CELF6: variants seen among roughly 807,000 people sequenced by gnomAD.
CELF6 encodes Bruno -like 6, RNA binding protein.
A neutral mutation model predicts 53.1 loss-of-function variants in CELF6; 32 were observed. The observed-to-expected ratio is 0.60, with a 90% confidence interval of 0.46 to 0.81. The LOEUF is 0.81. CELF6 is among the 30% of genes least tolerant of loss of function. CELF6 has a pLI of 0.00. For missense variants in CELF6, 539 were observed against 669.5 expected (o/e 0.81, Z 2.15); for synonymous variants, 291 against 288.8 (o/e 1.01, Z -0.08).
chr15:72,290,391 G>A, intron 3 of CELF6, 136 bp from the exon 4 acceptor site: 1 of 1,093,304 alleles, frequency 9.1e-7, no homozygotes. Context: ...TGGGCTTCCA[G>A]GGTTGGTTTT....
Position 72,289,974 on chromosome 15 carries a change from C to T in CELF6, c.568G>A (p.Ala190Thr), listed in dbSNP as rs2141185200. 1 of 1,586,138 alleles carries T rather than the reference C, an allele frequency of 6.3e-7. No homozygotes were observed. ...CGGCTGCCGTGCAGACCCCGGATGG[C>T]CGCCTGAGCTTCCCCTTGACTCCCG... ...KFGSQGEAQA[A>T]IRGLHGSRTM... The change falls in exon 5 of 13, where the codon GCC (alanine) becomes ACC (threonine). Residue 190 changes from alanine to threonine, a missense_variant. Physicochemically the swap from Ala to Thr is moderately conservative, Grantham distance 58 (BLOSUM62 0). Around this residue, in one of 3 missense-constraint regions of CELF6, gnomAD observed 358 missense variants for 412.8 expected, o/e 0.87. Transcript: ENST00000287202. This position sits in a 1 kb window ranked among gnomAD's most constrained non-coding sequence, Gnocchi z 7.6.
At chr15:72,309,041 T>C (rs917074894) in intron 2 of CELF6, among the ~76,000 whole-genome samples, 7 of 152,166 alleles carry the variant, frequency 4.6e-5, no homozygotes. Flanking sequence ...GCCTCTCAAA[T>C]AGCTAGGAAT....
At chr15:72,310,460 C>G (rs569449649) in intron 2 of CELF6, among the ~76,000 whole-genome samples, 56 of 152,128 alleles carry the variant, frequency 3.7e-4, no homozygotes, top group Middle Eastern at 3.4e-3. Context: ...CATCCACACT[C>G]AAGCAACACT....
intron 3 of CELF6, among the ~76,000 whole-genome samples, chr15:72,301,315 T>C (rs1310360769): frequency 3.3e-5 from 5 of 152,066 alleles, no homozygotes; most frequent in Non-Finnish European, 7.4e-5. Flanking sequence ...TATTAAAACA[T>C]GGGAGTCTCA....
In CELF6 at chr15:72,289,849, TC is replaced by T; in HGVS notation, c.604-80del. On this transcript the variant is annotated intron_variant, in intron 5 of 12. Transcript: ENST00000287202. The surrounding 1 kb of genome is among the most constrained non-coding windows in gnomAD (Gnocchi z 7.6). ...GGGGCCGAGCGCCTTTCCCATCAGG[TC>T]CTTTCGCGGGGCACCGAGCACACTC... 1 of 1,495,626 alleles carries T rather than the reference TC, an allele frequency of 6.7e-7. No homozygotes were observed. Among genetic ancestry groups the T allele is most frequent in the Non-Finnish European group, 8.9e-7 (1 of 1,125,510 alleles). The allele number at this position is 1,495,626 out of a possible 1,614,324, so 92.6% of individuals were successfully genotyped here.
In CELF6 at chr15:72,288,605, C is replaced by G. The variant is rs1383240203; in HGVS notation, c.1107G>C (p.Ser369=). The change falls in exon 10 of 13, where the codon TCG becomes TCC. Residue 369 remains serine (S), a synonymous_variant. Coordinates refer to ENST00000287202, the MANE Select transcript of CELF6 (RefSeq NM_052840.5). This position sits in a 1 kb window ranked among gnomAD's most constrained non-coding sequence, Gnocchi z 4.6. ...AAGCTGTGCTCACTGGGGCATAGGCCGACGGATAGGCTGCTGGAGACAGAG... is the reference window on the plus strand; with the variant it reads ...AAGCTGTGCTCACTGGGGCATAGGCGGACGGATAGGCTGCTGGAGACAGAG... The part of the protein sequence containing the change: ...GMHHYAAAYP[S]AYAPVSTAFP... 3 of 1,563,840 alleles carry G rather than the reference C, an allele frequency of 1.9e-6. No homozygotes were observed. Among genetic ancestry groups the G allele is most frequent in the Non-Finnish European group, 2.6e-6 (3 of 1,154,752 alleles).
chr15:72,286,566 C>T (rs958049737), intron 12 of CELF6, among the ~76,000 whole-genome samples: 1 of 152,190 alleles, frequency 6.6e-6, no homozygotes, highest in Non-Finnish European at 1.5e-5. Flanking sequence ...CACATCCCCT[C>T]TAGAAGGTTC....
In CELF6 at chr15:72,319,644, C is replaced by T; in HGVS notation, c.231G>A (p.Val77=). Residue 77 remains valine (V), a synonymous_variant, in exon 1 of 13, where the codon GTG becomes GTA. Coordinates refer to ENST00000287202, the MANE Select transcript of CELF6 (RefSeq NM_052840.5). The surrounding 1 kb of genome is among the most constrained non-coding windows in gnomAD (Gnocchi z 5.0). ...EEFGRIYELT[V]LKDRLTGLHK... is the part of the protein sequence containing the mutation. Reference sequence around the variant, plus strand: ...GGAGGCCGGTGAGCCGGTCCTTCAGCACCGTCAGCTCGTAGATGCGGCCGA... The same window carrying T: ...GGAGGCCGGTGAGCCGGTCCTTCAGTACCGTCAGCTCGTAGATGCGGCCGA... The T allele has an allele frequency of 6.4e-7, 1 of 1,568,744 alleles. No homozygotes were observed. Among genetic ancestry groups the T allele is most frequent in the South Asian group, 1.2e-5 (1 of 85,678 alleles).
In CELF6 at chr15:72,292,389, G is replaced by A. The variant is rs2088017212; in HGVS notation, c.395-2134C>T. 7.4e-6 allele frequency: 5 copies of A among 672,482 alleles called. No individual in the cohort carries two copies. In the South Asian group the frequency reaches 1.0e-4, roughly 14 times the overall value. 41.7% of individuals were successfully genotyped at this position (672,482 alleles called of 1,614,324 possible). A position where few individuals can be genotyped will look rare whatever the true frequency, so the allele number is the denominator to read the frequency against. ...CCGAAAGACCATGCCATTGTTCTAA[G>A]TTATTCTGGGCTGCAGAAGGCCTGG... On this transcript the variant is annotated intron_variant, in intron 3 of 12. Coordinates refer to ENST00000287202, the MANE Select transcript of CELF6 (RefSeq NM_052840.5).
In CELF6 at chr15:72,288,729, C is replaced by A; in HGVS notation, c.1094-111G>T. ...TCAGCCCAGTCCACCATAACCCTCA[C>A]CCCAAGAGAGGTCGTTCTGGGGGTA... is the stretch of plus-strand genomic sequence containing the variant. On this transcript the variant is annotated intron_variant, in intron 9 of 12. Coordinates refer to ENST00000287202, the MANE Select transcript of CELF6 (RefSeq NM_052840.5). This position sits in a 1 kb window ranked among gnomAD's most constrained non-coding sequence, Gnocchi z 4.6. 1 of 1,381,022 alleles carries A rather than the reference C, an allele frequency of 7.2e-7. No individual in the cohort carries two copies. The highest frequency in any genetic ancestry group is 1.8e-4 in the Middle Eastern group (1 of 5,596). The allele number at this position is 1,381,022 out of a possible 1,614,324, so 85.5% of individuals were successfully genotyped here. A position where few individuals can be genotyped will look rare whatever the true frequency, so the allele number is the denominator to read the frequency against.
intron 2 of CELF6, among the ~76,000 whole-genome samples, chr15:72,311,232 C>T (rs1372248717): frequency 6.6e-6 from 1 of 151,140 alleles, no homozygotes; most frequent in African/African-American, 2.4e-5. Flanking sequence ...AACTCCTGAC[C>T]TCAAGTGATC....
chr15:72,287,391 C>T lies in CELF6; in HGVS notation c.1320G>A (p.Gly440=). ...TAGTTGGATTGTCAAAACTAACAAA[C>T]CCTGGAGGGTGTGGGCAAAGAGATT... ...DRATNQSKCF[G]FVSFDNPTSA... The change falls in exon 12 of 13, where the codon GGG becomes GGA. Residue 440 remains glycine, a splice_region_variant and synonymous_variant. Transcript: ENST00000287202. 6.2e-7 allele frequency: 1 copy of T among 1,613,988 alleles called. No homozygotes were observed. Among genetic ancestry groups the T allele is most frequent in the Non-Finnish European group, 8.5e-7 (1 of 1,179,892 alleles).
At chr15:72,304,624 G>T in intron 3 of CELF6, 122 bp downstream of exon 3, 2 of 837,540 alleles carry the variant, frequency 2.4e-6, no homozygotes, top group Non-Finnish European at 4.0e-6. Context: ...GCAACTCTGA[G>T]CCCCACCTGT....
In CELF6 at chr15:72,319,751, C is replaced by A. The variant is rs771036730; in HGVS notation, c.124G>T (p.Asp42Tyr). ...LNPGPAVPMK[D>Y]HDAIKLFVGQ... ...ACGAAGAGCTTGATGGCGTCGTGGTCCTTCATGGGTACGGCGGGACCGGGG... is the reference window on the plus strand; with the variant it reads ...ACGAAGAGCTTGATGGCGTCGTGGTACTTCATGGGTACGGCGGGACCGGGG... Residue 42 changes from aspartate to tyrosine, a missense_variant, in exon 1 of 13, where the codon GAC (aspartate) becomes TAC (tyrosine). This residue lies in a region of CELF6 where 84 missense variants were observed against 87.9 expected (regional missense o/e 0.96). Transcript: ENST00000287202. The surrounding 1 kb of genome is among the most constrained non-coding windows in gnomAD (Gnocchi z 5.0). The A allele has an allele frequency of 6.2e-7, 1 of 1,600,432 alleles. No individual in the cohort carries two copies. The highest frequency in any genetic ancestry group is 1.1e-5 in the South Asian group (1 of 88,840).
chr15:72,314,204 G>A (rs2088333382), intron 2 of CELF6, among the ~76,000 whole-genome samples: 1 of 152,220 alleles, frequency 6.6e-6, no homozygotes, highest in Non-Finnish European at 1.5e-5. Flanking sequence ...TCTTGGCGAA[G>A]CTTGCTCCAT....
intron 3 of CELF6, among the ~76,000 whole-genome samples, chr15:72,299,383 G>A (rs1417509674): frequency 1.2e-4 from 17 of 140,180 alleles, no homozygotes; most frequent in African/African-American, 4.5e-4. Context: ...TTTTTGAAAT[G>A]GAATCTCGCT....
intron 3 of CELF6, among the ~76,000 whole-genome samples, chr15:72,301,978 G>A (rs1372935547): frequency 2.0e-5 from 3 of 152,012 alleles, no homozygotes; most frequent in Admixed American, 6.5e-5. Context: ...CTCGTGATCC[G>A]CCCGCCTCGG....
At chr15:72,308,792 G>C (rs1272536962) in intron 2 of CELF6, among the ~76,000 whole-genome samples, 1 of 151,140 alleles carries the variant, frequency 6.6e-6, no homozygotes, top group African/African-American at 2.4e-5. Flanking sequence ...TGCAATCTCC[G>C]CCTCCCAGGT....
At chr15:72,295,964 C>T (rs2088072806) in intron 3 of CELF6, among the ~76,000 whole-genome samples, 1 of 152,146 alleles carries the variant, frequency 6.6e-6, no homozygotes, top group Non-Finnish European at 1.5e-5. Context: ...AGAAGAAGAA[C>T]TCCCTGTTTT....
Sources: allele counts gnomAD v4.1 joint callset (sites outside exome capture counted in the v4.1 genomes callset), GRCh38; gene constraint gnomAD v4.1.1; regional missense constraint gnomAD v4.1.1; non-coding constraint Gnocchi (gnomAD v3.1); transcripts MANE v1.5; gene names NCBI Gene and HGNC (gene_info 2026-07-23, HGNC 2026-07-21).